The following ROBO2 variants were observed in gnomAD, a reference collection of about 807,000 sequenced individuals.
ROBO2 encodes roundabout guidance receptor 2, also known as roundabout homolog 2.
ROBO2 carries 53 observed loss-of-function variants against 160.8 expected under a neutral mutation model. The ratio of observed to expected loss-of-function variants is 0.33; its 90% CI spans 0.26 to 0.41. The LOEUF (loss-of-function observed/expected upper bound fraction) is 0.41. Among genes scored for constraint, ROBO2 ranks in the 10% least tolerant of loss-of-function variants. The pLI is 1.00. For synonymous variants in ROBO2, 664 were observed against 611.7 expected, an observed-to-expected ratio of 1.09 and a Z score of -1.26; for missense variants, 1,577 against 1,722.4, an observed-to-expected ratio of 0.92 and a Z score of 1.49.
intron 2 of ROBO2, among the ~76,000 whole-genome samples, chr3:77,466,711 C>T (rs559180258): frequency 1.3e-3 from 191 of 152,158 alleles, no homozygotes; most frequent in Non-Finnish European, 2.2e-3. Flanking sequence ...CCTTGACCTT[C>T]TTTTCCTTTC....
chr3:77,390,493 G>A (rs371215967), intron 2 of ROBO2, among the ~76,000 whole-genome samples: 10 of 152,068 alleles, frequency 6.6e-5, no homozygotes, highest in African/African-American at 1.9e-4. Context: ...GGTTTATAGA[G>A]GGAAGTTTCC....
intron 2 of ROBO2, among the ~76,000 whole-genome samples, chr3:76,735,295 G>GGGGGCC (rs2093690854): frequency 6.6e-6 from 1 of 152,124 alleles, no homozygotes; most frequent in South Asian, 2.1e-4. Context: ...AGAAACATGG[G>GGGGGCC]TGCAGCTGTA....
intron 2 of ROBO2, among the ~76,000 whole-genome samples, chr3:76,291,833 T>A (rs2107705623): frequency 6.6e-6 from 1 of 152,286 alleles, no homozygotes; most frequent in South Asian, 2.1e-4. Context: ...TCTTGATGGA[T>A]CTTCTTGGTA....
At chr3:76,456,270 G>A (rs563463257) in intron 2 of ROBO2, among the ~76,000 whole-genome samples, 1 of 152,188 alleles carries the variant, frequency 6.6e-6, no homozygotes, top group African/African-American at 2.4e-5. Context: ...GAGGAGTTAT[G>A]TAGTTACATT....
At chr3:76,048,987 A>G (rs2067551139) in intron 2 of ROBO2, among the ~76,000 whole-genome samples, 2 of 152,168 alleles carry the variant, frequency 1.3e-5, no homozygotes, top group South Asian at 4.1e-4. Flanking sequence ...ACGCTAAACA[A>G]CATATTAGAG....
At chr3:76,624,796 CAAAAAAAAAAAAAAAAAAAAA>C (rs57920315) in intron 2 of ROBO2, among the ~76,000 whole-genome samples, 2 of 46,292 alleles carry the variant, frequency 4.3e-5, no homozygotes, top group East Asian at 1.5e-3. Flanking sequence ...GACTCCGTCT[CAAAAAAAAAAAAAAAAAAAAA>C]AAAAAAAAAA....
chr3:75,913,331 T>C (rs2106753317), intron 1 of ROBO2, among the ~76,000 whole-genome samples: 1 of 152,300 alleles, frequency 6.6e-6, no homozygotes, highest in Admixed American at 6.5e-5. Flanking sequence ...CAAGTCCCTT[T>C]GGCTATGTAA....
At chr3:77,218,632 A>G (rs2085304138) in intron 2 of ROBO2, among the ~76,000 whole-genome samples, 1 of 152,138 alleles carries the variant, frequency 6.6e-6, no homozygotes, top group Non-Finnish European at 1.5e-5. Flanking sequence ...TTGGCCTTCC[A>G]AAGTGCTGGG....
At chr3:77,631,564 T>G (rs2095164100) in intron 23 of ROBO2, 1 of 152,198 alleles carries the variant, frequency 6.6e-6, no homozygotes, top group South Asian at 2.1e-4. Context: ...TCTTGTAATA[T>G]TAATTTTATT....
At chr3:77,173,205 G>T (rs2079805476) in intron 2 of ROBO2, among the ~76,000 whole-genome samples, 1 of 152,094 alleles carries the variant, frequency 6.6e-6, no homozygotes, top group African/African-American at 2.4e-5. Flanking sequence ...TTTAATAATA[G>T]ATAGCAATTA....
At chr3:77,551,028 G>C (rs749674668) in intron 8 of ROBO2, 39 bp downstream of exon 9, 5 of 1,600,790 alleles carry the variant, frequency 3.1e-6, no homozygotes, top group Non-Finnish European at 3.4e-6. Flanking sequence ...TGAAAACATT[G>C]ATTTTTATTT....
At chr3:76,312,453 T>C (rs2071656845) in intron 2 of ROBO2, among the ~76,000 whole-genome samples, 1 of 152,196 alleles carries the variant, frequency 6.6e-6, no homozygotes. Context: ...TTGCATTAAA[T>C]ATATTACAAA....
intron 2 of ROBO2, among the ~76,000 whole-genome samples, chr3:75,968,490 G>A (rs2064879886): frequency 6.6e-6 from 1 of 151,228 alleles, no homozygotes. Context: ...TATTTTCATG[G>A]TACATATTTA....
chr3:77,290,033 C>A (rs116691792), intron 2 of ROBO2, among the ~76,000 whole-genome samples: 2 of 141,606 alleles, frequency 1.4e-5, no homozygotes. Flanking sequence ...GTAAAATTGA[C>A]GATTAAATGG....
chr3:77,467,396 C>T lies in ROBO2; in HGVS notation c.389-10018C>T, dbSNP rs143469838. On this transcript the variant is annotated intron_variant, in intron 2 of 25. Transcript: ENST00000461745. ...AGAAGCAGTAGGGAAACCAGGCAGG[C>T]ATTCTACAAAGCACCTGTAACACAC... is the stretch of plus-strand genomic sequence containing the variant. Among the ~76,000 whole-genome samples, 992 of 152,166 alleles carry T rather than the reference C, an allele frequency of 6.5e-3. 13 individuals carry two copies. Among genetic ancestry groups the T allele is most frequent in the African/African-American group, 0.023 (959 of 41,502 alleles).
intron 2 of ROBO2, among the ~76,000 whole-genome samples, chr3:76,141,116 G>GCTCTCT (rs55829903): frequency 1.8e-4 from 3 of 16,686 alleles, no homozygotes; most frequent in Admixed American, 1.0e-3. Flanking sequence ...GAGCTACCAT[G>GCTCTCT]CTCTCTCTCT....
At chr3:77,106,846 TCACTGTCTCC>T (rs530994949) in intron 2 of ROBO2, among the ~76,000 whole-genome samples, 82 of 152,230 alleles carry the variant, frequency 5.4e-4, no homozygotes, top group Non-Finnish European at 1.1e-3. Context: ...CCACTTTTTG[TCACTGTCTCC>T]CAAAAAATAC....
chr3:76,921,966 AGT>A (rs1237625151), intron 2 of ROBO2, among the ~76,000 whole-genome samples: 1 of 152,168 alleles, frequency 6.6e-6, no homozygotes, highest in Non-Finnish European at 1.5e-5. Context: ...AATGAAATAA[AGT>A]GTGAGATGCC....
At chr3:77,465,989 A>C (rs549863863) in intron 2 of ROBO2, among the ~76,000 whole-genome samples, 1 of 152,170 alleles carries the variant, frequency 6.6e-6, no homozygotes, top group South Asian at 2.1e-4. Context: ...GAAGATGGTG[A>C]TGCTTTTGAA....
Sources: gnomAD v4.1 joint callset for allele counts (sites outside exome capture counted in the v4.1 genomes callset) on GRCh38, gnomAD v4.1.1 for gene constraint, MANE v1.5 for transcripts, NCBI Gene and HGNC (gene_info 2026-07-23, HGNC 2026-07-21) for gene names.